Variants in PLXDC1 observed in about 807,000 individuals in gnomAD.
PLXDC1 encodes the protein plexin domain containing 1.
Under a neutral mutation model 61.3 loss-of-function variants are expected in PLXDC1, and 39 were observed. The observed-to-expected ratio is 0.64, with a 90% confidence interval of 0.49 to 0.83. The LOEUF (loss-of-function observed/expected upper bound fraction) is 0.83. PLXDC1 is among the 40% of genes least tolerant of loss of function. The pLI is 0.00. For missense variants in PLXDC1, 596 were observed against 666.5 expected (o/e 0.89, Z 1.17); for synonymous variants, 212 against 254.5 (o/e 0.83, Z 1.59).
chr17:39,089,559 C>T (rs1909871210), intron 7 of PLXDC1, among the ~76,000 whole-genome samples: 1 of 152,186 alleles, frequency 6.6e-6, no homozygotes, highest in Admixed American at 6.5e-5. Context: ...TCCGTGCACC[C>T]CCCTTTTCCA....
intron 1 of PLXDC1, among the ~76,000 whole-genome samples, chr17:39,150,485 C>G (rs2045365792): frequency 6.6e-6 from 1 of 152,158 alleles, no homozygotes; most frequent in African/African-American, 2.4e-5. Flanking sequence ...GCTGAGGGGC[C>G]AGGCTGCAAA....
At chr17:39,071,312 T>C (rs768136787) in intron 12 of PLXDC1, among the ~76,000 whole-genome samples, 2 of 136,312 alleles carry the variant, frequency 1.5e-5, no homozygotes, top group African/African-American at 2.8e-5. Context: ...GATAATGAGG[T>C]AGAGAAGACA....
At chr17:39,149,113 ACT>A (rs979785224) in intron 1 of PLXDC1, among the ~76,000 whole-genome samples, 1 of 151,090 alleles carries the variant, frequency 6.6e-6, no homozygotes, top group African/African-American at 2.4e-5. Context: ...CTGCTGTCTG[ACT>A]CTGTCTTTGG....
In PLXDC1 at chr17:39,114,112, C is replaced by T. The variant is rs193143051; in HGVS notation, c.256-4721G>A. 3.9e-5 allele frequency among the ~76,000 whole-genome samples: 6 copies of T among 152,248 alleles called. No homozygotes were observed. In the East Asian group the frequency reaches 1.2e-3, roughly 29 times the overall value. On this transcript the variant is annotated intron_variant, in intron 2 of 13. Transcript: ENST00000315392. ...TGTGAGTATAAGGACAAGAGCCACA[C>T]CCTAAGGATGGTGAAGTGGACAACT...
chr17:39,099,172 C>G (rs1217262215), intron 7 of PLXDC1, among the ~76,000 whole-genome samples: 1 of 152,142 alleles, frequency 6.6e-6, no homozygotes, highest in Non-Finnish European at 1.5e-5. Flanking sequence ...GAGATTTCCT[C>G]CTGATCCTGC....
At chr17:39,085,440 T>A (rs749252432) in intron 8 of PLXDC1, among the ~76,000 whole-genome samples, 1 of 152,210 alleles carries the variant, frequency 6.6e-6, no homozygotes, top group Non-Finnish European at 1.5e-5. Flanking sequence ...GTATGTCGAA[T>A]CAATATATAA....
chr17:39,097,739 A>C (rs576604746), intron 7 of PLXDC1, among the ~76,000 whole-genome samples: 1 of 150,888 alleles, frequency 6.6e-6, no homozygotes, highest in South Asian at 2.1e-4. Flanking sequence ...TAAATAAATA[A>C]ATAAATAAAT....
At chr17:39,090,759 A>G (rs1307203025) in intron 7 of PLXDC1, among the ~76,000 whole-genome samples, 1 of 152,184 alleles carries the variant, frequency 6.6e-6, no homozygotes, top group African/African-American at 2.4e-5. Context: ...CTGAGACTCT[A>G]GGGCATTTTC....
intron 9 of PLXDC1, chr17:39,079,772 C>T (rs1909483751): frequency 2.9e-6 from 1 of 346,696 alleles, no homozygotes; most frequent in Admixed American, 3.8e-5. Context: ...TGCATCATTC[C>T]CAACTTTTCG....
chr17:39,095,381 A>ACCCC (rs1365217059), intron 7 of PLXDC1, among the ~76,000 whole-genome samples: 4 of 4,252 alleles, frequency 9.4e-4, no homozygotes, highest in African/African-American at 1.8e-3. Flanking sequence ...CCCCCCCCCA[A>ACCCC]CCCCCCAAGC....
Position 39,148,641 on chromosome 17 carries a change from G to A in PLXDC1, c.76+2721C>T, listed in dbSNP as rs112451879. On this transcript the variant is annotated intron_variant, in intron 1 of 13. Coordinates refer to ENST00000315392, the MANE Select transcript of PLXDC1 (RefSeq NM_020405.5). ...GTAGAGACGGGGTTTCACCATGTTA[G>A]CCAGGCTGGTCTCAAACTCCTGACC... Among the ~76,000 whole-genome samples, 424 of 152,160 alleles carry A rather than the reference G, an allele frequency of 2.8e-3. 1 individual carries two copies. Among genetic ancestry groups the A allele is most frequent in the African/African-American group, 9.9e-3 (412 of 41,488 alleles).
In PLXDC1 at chr17:39,149,459, C is replaced by T. The variant is rs545813621; in HGVS notation, c.76+1903G>A. On this transcript the variant is annotated intron_variant, in intron 1 of 13. Coordinates refer to ENST00000315392, the MANE Select transcript of PLXDC1 (RefSeq NM_020405.5). Reference sequence around the variant, plus strand: ...CTCCTGCCTGTGAAATCCCACCTGGCCTGTGAAAAGGGCACCGGACTGGGA... The same window carrying T: ...CTCCTGCCTGTGAAATCCCACCTGGTCTGTGAAAAGGGCACCGGACTGGGA... 5.8e-4 allele frequency among the ~76,000 whole-genome samples: 89 copies of T among 152,316 alleles called. 1 individual carries two copies. Among genetic ancestry groups the T allele is most frequent in the Middle Eastern group, 3.4e-3 (1 of 294 alleles).
intron 2 of PLXDC1, chr17:39,112,110 G>C (rs189213645): frequency 1.3e-5 from 2 of 152,040 alleles, no homozygotes; most frequent in Non-Finnish European, 2.9e-5. Flanking sequence ...ACAAAGCTCC[G>C]TGCGTGGCAC....
Position 39,119,464 on chromosome 17 carries a change from A to T in PLXDC1, c.256-10073T>A, listed in dbSNP as rs888469916. On this transcript the variant is annotated intron_variant, in intron 2 of 13. Transcript: ENST00000315392. The stretch of plus-strand genomic sequence containing the variant: ...TTTGTCAATTAAAAAATTAAATTAG[A>T]TCGGGCGTGGAGGCTCAGGCCTGTA... 5.3e-5 allele frequency among the ~76,000 whole-genome samples: 8 copies of T among 152,128 alleles called. No homozygotes were observed. The South Asian group carries it at 8.3e-4, about 16-fold the overall frequency.
intron 1 of PLXDC1, among the ~76,000 whole-genome samples, chr17:39,142,757 C>T (rs1911975252): frequency 1.3e-5 from 2 of 152,232 alleles, no homozygotes; most frequent in African/African-American, 2.4e-5. Flanking sequence ...TGGCCTTGAA[C>T]TCCTGGGCTC....
At chr17:39,150,957 A>G (rs1269440904) in intron 1 of PLXDC1, among the ~76,000 whole-genome samples, 1 of 152,260 alleles carries the variant, frequency 6.6e-6, no homozygotes, top group Admixed American at 6.5e-5. Flanking sequence ...GGTGTGGCAG[A>G]GAAGAGGAAA....
intron 9 of PLXDC1, chr17:39,080,320 C>G (rs969347499): frequency 4.6e-5 from 7 of 152,138 alleles, no homozygotes; most frequent in African/African-American, 1.7e-4. Flanking sequence ...CTAACTGATT[C>G]TTTCAAAGAT....
upstream of PLXDC1, chr17:39,152,695 A>C (rs1266514400): frequency 8.1e-7 from 1 of 1,232,630 alleles, no homozygotes; most frequent in Non-Finnish European, 1.0e-6. Context: ...GAAATTTTCC[A>C]GGAGGAGGGA....
intron 2 of PLXDC1, among the ~76,000 whole-genome samples, chr17:39,129,766 AGAG>A (rs1567770459): frequency 6.7e-4 from 93 of 138,410 alleles, no homozygotes; most frequent in African/African-American, 2.2e-3. Flanking sequence ...AAAGAAAGAA[AGAG>A]AGAAAGAAAA....
Sources: gnomAD v4.1 joint callset for allele counts (sites outside exome capture counted in the v4.1 genomes callset) on GRCh38, gnomAD v4.1.1 for gene constraint, MANE v1.5 for transcripts, NCBI Gene and HGNC (gene_info 2026-07-23, HGNC 2026-07-21) for gene names.